The following XBP1 variants were observed in gnomAD, a reference collection of about 807,000 sequenced individuals.
XBP1 encodes the protein X-box binding protein 1, also known as X-box-binding protein 1.
In XBP1, 18 loss-of-function variants were observed where a neutral mutation model predicts 34.6. That is an observed-to-expected ratio of 0.52 (90% CI 0.36 to 0.77). The LOEUF is 0.77. Ranked by LOEUF, XBP1 falls within the 30% of genes least tolerant of loss-of-function variation. XBP1 has a pLI of 0.00. For synonymous variants in XBP1, 191 were observed against 193.4 expected (o/e 0.99, Z 0.11); for missense variants, 422 against 464.6 (o/e 0.91, Z 0.84).
rs958877609 is a variant in XBP1 at position 28,800,228 on chromosome 22, A to AGCCCCT, written c.227+64_227+69dup. On this transcript the variant is annotated intron_variant, in intron 1 of 5. Coordinates refer to ENST00000344347, the Ensembl canonical transcript of XBP1. ...CGGCCAGTGCTGGGTCCCCGCTCCC[A>AGCCCCT]GCCCCTGCCCCTGCCCCTGTCCCTA... 139 of 1,506,544 alleles carry AGCCCCT rather than the reference A, an allele frequency of 9.2e-5. No individual in the cohort carries two copies. In the East Asian group the frequency reaches 1.0e-3, roughly 11 times the overall value. The allele number at this position is 1,506,544 out of a possible 1,614,324, so 93.3% of individuals were successfully genotyped here.
In XBP1 at chr22:28,799,156, A is replaced by G; in HGVS notation, c.228-3T>C. 1.2e-6 allele frequency: 2 copies of G among 1,611,516 alleles called. No individual in the cohort carries two copies. Among genetic ancestry groups the G allele is most frequent in the Middle Eastern group, 3.3e-4 (2 of 6,056 alleles). On this transcript the variant is annotated splice_region_variant and splice_polypyrimidine_tract_variant and intron_variant, in intron 1 of 5. Coordinates refer to ENST00000344347, the Ensembl canonical transcript of XBP1. ...CTGCTACTCTGTTTTTCAGTTTCCT[A>G]GGAAGAGAAGGAACATACCACACTG...
rs1032271146 is a variant in XBP1 at position 28,797,124 on chromosome 22, G to A, written c.406C>T (p.Arg136Cys). The change falls in exon 3 of 6, where the codon CGC becomes TGC. Residue 136 changes from arginine (R) to cysteine (C), a missense_variant. Physicochemically the swap from Arg to Cys is radical, Grantham distance 180 (BLOSUM62 -3). Coordinates refer to ENST00000344347, the Ensembl canonical transcript of XBP1. ...GCAACCAGGGCATCCATCCCCAAGC[G>A]CTGTCTTAACTCCTGGTTCTCAACT... 3.1e-6 allele frequency: 5 copies of A among 1,612,758 alleles called. No individual in the cohort carries two copies. The highest frequency in any genetic ancestry group is 1.7e-5 in the Admixed American group (1 of 59,408).
At chr22:28,800,066 G>A (rs552536258) in intron 1 of XBP1, 11 of 770,570 alleles carry the variant, frequency 1.4e-5, no homozygotes, top group South Asian at 1.1e-4. Flanking sequence ...TAACGAGAGA[G>A]TTAAAAAGTA....
chr22:28,799,918 G>A, intron 1 of XBP1: 1 of 773,914 alleles, frequency 1.3e-6, no homozygotes, highest in Non-Finnish European at 2.4e-6. Context: ...TCAGCTCCGC[G>A]CCTCTCCAGA....
At chr22:28,800,555 C>T (rs2031867954), upstream of XBP1, 10 of 1,468,610 alleles carry the variant, frequency 6.8e-6, no homozygotes, top group African/African-American at 3.0e-5. Context: ...GCACCGCGCG[C>T]CGCAGCCGCC....
At chr22:28,796,244 C>G (rs1476703106) in intron 3 of XBP1, 52 bp from the exon 4 acceptor site, 1 of 1,473,504 alleles carries the variant, frequency 6.8e-7, no homozygotes, top group Non-Finnish European at 9.0e-7. Context: ...CAAGGAAATG[C>G]TTGCTAGACA....
chr22:28,795,367 C>T (rs769560085), exon 6 of XBP1: 2 of 1,552,098 alleles, frequency 1.3e-6, no homozygotes, highest in East Asian at 2.4e-5. Context: ...AGATACCCAG[C>T]TCCGGAACGA....
intron 2 of XBP1, 39 bp downstream of exon 2, chr22:28,799,018 A>G: frequency 1.3e-6 from 2 of 1,521,112 alleles, no homozygotes; most frequent in Non-Finnish European, 9.1e-7. Context: ...AAGGAAGGGT[A>G]TACAATGGAT....
chr22:28,799,471 T>C (rs1339483584), intron 1 of XBP1, among the ~76,000 whole-genome samples: 5 of 152,184 alleles, frequency 3.3e-5, no homozygotes, highest in Non-Finnish European at 7.3e-5. Context: ...TCCCCATCTA[T>C]TCCCCCGCTG....
At chr22:28,800,527 C>G (rs370683137), upstream of XBP1, 24 of 1,487,772 alleles carry the variant, frequency 1.6e-5, 2 homozygotes, top group Admixed American at 9.4e-5. Context: ...ACCACCATAG[C>G]TCCAGACTAC....
At chr22:28,798,001 A>C (rs2031780580) in intron 2 of XBP1, among the ~76,000 whole-genome samples, 4 of 152,200 alleles carry the variant, frequency 2.6e-5, no homozygotes, top group Admixed American at 2.6e-4. Flanking sequence ...GGTTAAAAAA[A>C]CAATATAAAT....
In XBP1 at chr22:28,800,388, GC is replaced by G; in HGVS notation, c.136del (p.Ala46ProfsTer22). The stretch of plus-strand genomic sequence containing the variant: ...CCCCCCGCTCGCTGCCTCCGGGCTG[GC>G]CCCTCTCTGGGCTGGCACCATGAGC... On this transcript the variant is annotated frameshift_variant, in exon 1 of 6. Transcript: ENST00000344347. LOFTEE classifies it high-confidence loss of function. The G allele has an allele frequency of 1.3e-6, 2 of 1,534,978 alleles. No individual in the cohort carries two copies. Among genetic ancestry groups the G allele is most frequent in the South Asian group, 1.2e-5 (1 of 82,910 alleles).
At chr22:28,795,127 C>T (rs1416592302), downstream of XBP1, 17 of 1,454,698 alleles carry the variant, frequency 1.2e-5, no homozygotes, top group East Asian at 3.0e-4. Flanking sequence ...TGCTATCCTC[C>T]AGGCAGTGTA....
At chr22:28,795,404 A>G (rs368281907) in exon 6 of XBP1, 21 of 1,563,244 alleles carry the variant, frequency 1.3e-5, no homozygotes, top group Non-Finnish European at 5.2e-6. Context: ...TTCTTCCTTC[A>G]CTGAGACAAT....
At chr22:28,798,335 C>G (rs1391303581) in intron 2 of XBP1, among the ~76,000 whole-genome samples, 2 of 117,530 alleles carry the variant, frequency 1.7e-5, no homozygotes, top group Non-Finnish European at 3.5e-5. Context: ...GGTTTTTGCT[C>G]TGTCGCCCAG....
At chr22:28,794,570 C>T, downstream of XBP1, 1 of 152,434 alleles carries the variant, frequency 6.6e-6, no homozygotes, top group Admixed American at 6.5e-5. Flanking sequence ...TGCATTGTAC[C>T]TTTTAATTGC....
chr22:28,799,414 C>A (rs563628709), intron 1 of XBP1, among the ~76,000 whole-genome samples: 22 of 152,222 alleles, frequency 1.4e-4, no homozygotes, highest in Non-Finnish European at 2.8e-4. Context: ...AGCACTGGGG[C>A]TGGACACACA....
At chr22:28,797,022 C>A in intron 3 of XBP1, 55 bp downstream of exon 3, 1 of 1,551,402 alleles carries the variant, frequency 6.4e-7, no homozygotes, top group South Asian at 1.2e-5. Flanking sequence ...ATCGCTGGGT[C>A]ATGTCACTTG....
At chr22:28,799,940 A>G (rs2031836473) in intron 1 of XBP1, 1 of 778,726 alleles carries the variant, frequency 1.3e-6, no homozygotes, top group Non-Finnish European at 2.4e-6. Context: ...ATAGCAGTAA[A>G]CCAAAACAGA....
Sources: allele counts gnomAD v4.1 joint callset (sites outside exome capture counted in the v4.1 genomes callset), GRCh38; gene constraint gnomAD v4.1.1; transcripts MANE v1.5; gene names NCBI Gene and HGNC (gene_info 2026-07-23, HGNC 2026-07-21).